CACNB2: variants seen among roughly 807,000 people sequenced by gnomAD.
CACNB2 encodes voltage-dependent L-type calcium channel subunit beta-2.
In CACNB2, 42 loss-of-function variants were observed where a neutral mutation model predicts 73.3. That is an observed-to-expected ratio of 0.57 (90% CI 0.45 to 0.74). The LOEUF is 0.74. Ranked by LOEUF, CACNB2 falls within the 30% of genes least tolerant of loss-of-function variation. The pLI is 0.00. For synonymous variants in CACNB2, 348 were observed against 310.3 expected (o/e 1.12, Z -1.28); for missense variants, 940 against 853.0 (o/e 1.10, Z -1.27).
intron 2 of CACNB2, among the ~76,000 whole-genome samples, chr10:18,384,158 G>C (rs1437251984): frequency 6.6e-6 from 1 of 152,184 alleles, no homozygotes; most frequent in Non-Finnish European, 1.5e-5. Context: ...GGTAGAGTCA[G>C]TACTGAGACT....
At chr10:18,411,859 C>T (rs2044649925) in intron 3 of CACNB2, among the ~76,000 whole-genome samples, 1 of 152,212 alleles carries the variant, frequency 6.6e-6, no homozygotes, top group African/African-American at 2.4e-5. Context: ...ACAATACATA[C>T]AGCACTGATG....
intron 3 of CACNB2, among the ~76,000 whole-genome samples, chr10:18,402,889 A>G (rs1299740673): frequency 3.3e-5 from 5 of 152,212 alleles, no homozygotes; most frequent in Admixed American, 2.0e-4. Context: ...TGATCATGCT[A>G]GAAATACCAG....
intron 2 of CACNB2, among the ~76,000 whole-genome samples, chr10:18,386,130 A>T (rs1363018783): frequency 1.3e-5 from 2 of 152,164 alleles, no homozygotes; most frequent in Non-Finnish European, 2.9e-5. Context: ...ATAAAAATTA[A>T]AACTAGTGTT....
chr10:18,366,882 T>TC (rs1249267528), intron 2 of CACNB2, among the ~76,000 whole-genome samples: 2 of 152,226 alleles, frequency 1.3e-5, no homozygotes, highest in Non-Finnish European at 2.9e-5. Flanking sequence ...TAGTCATTTT[T>TC]TGTCTTTTGG....
chr10:18,146,859 G>T (rs919263344), intron 1 of CACNB2, among the ~76,000 whole-genome samples: 2 of 152,166 alleles, frequency 1.3e-5, no homozygotes, highest in Admixed American at 6.5e-5. Context: ...CTGACCTCAG[G>T]TGGTCCACCC....
intron 2 of CACNB2, among the ~76,000 whole-genome samples, chr10:18,154,311 T>A (rs781359617): frequency 2.0e-5 from 3 of 151,680 alleles, no homozygotes; most frequent in Non-Finnish European, 4.4e-5. Context: ...AAAAAACAAC[T>A]TGGAGAATAT....
chr10:18,197,303 C>G (rs896644202), intron 2 of CACNB2, among the ~76,000 whole-genome samples: 7 of 152,188 alleles, frequency 4.6e-5, no homozygotes, highest in Admixed American at 3.9e-4. Flanking sequence ...ATAACCTACT[C>G]CAGACACTCA....
chr10:18,387,089 C>T (rs971235325), intron 2 of CACNB2, among the ~76,000 whole-genome samples: 1 of 152,220 alleles, frequency 6.6e-6, no homozygotes, highest in African/African-American at 2.4e-5. Flanking sequence ...TGAGTCGTCT[C>T]AGAGCCGTCA....
chr10:18,188,070 T>G (rs1588655008), intron 2 of CACNB2, among the ~76,000 whole-genome samples: 1 of 152,204 alleles, frequency 6.6e-6, no homozygotes, highest in African/African-American at 2.4e-5. Flanking sequence ...TTCTGTTAAT[T>G]GACATCAACA....
At chr10:18,437,545 G>A (rs1011589984) in intron 3 of CACNB2, among the ~76,000 whole-genome samples, 3 of 152,194 alleles carry the variant, frequency 2.0e-5, no homozygotes, top group Non-Finnish European at 2.9e-5. Context: ...TTGTTGCCAG[G>A]CTGGAAAATG....
At chr10:18,455,570 G>A (rs1294097093) in intron 3 of CACNB2, among the ~76,000 whole-genome samples, 1 of 152,238 alleles carries the variant, frequency 6.6e-6, no homozygotes, top group African/African-American at 2.4e-5. Flanking sequence ...TAAAGTTGGT[G>A]TAGAAAATGC....
At chr10:18,377,542 C>T (rs1373515501) in intron 2 of CACNB2, among the ~76,000 whole-genome samples, 1 of 152,192 alleles carries the variant, frequency 6.6e-6, no homozygotes. Context: ...TATTTAGGGA[C>T]ACTGAAATTT....
chr10:18,233,919 C>T (rs1478153366), intron 2 of CACNB2, among the ~76,000 whole-genome samples: 3 of 152,210 alleles, frequency 2.0e-5, no homozygotes, highest in African/African-American at 7.2e-5. Flanking sequence ...CAACTGAAAT[C>T]CCTCAAATCT....
At chr10:18,241,318 A>G (rs1482433604) in intron 2 of CACNB2, among the ~76,000 whole-genome samples, 1 of 152,234 alleles carries the variant, frequency 6.6e-6, no homozygotes, top group African/African-American at 2.4e-5. Flanking sequence ...AATAAAATGC[A>G]TTAAAGAGAC....
At chr10:18,516,278 A>G (rs1028432501) in intron 7 of CACNB2, among the ~76,000 whole-genome samples, 4 of 152,158 alleles carry the variant, frequency 2.6e-5, no homozygotes, top group African/African-American at 9.7e-5. Flanking sequence ...GATAAAAATG[A>G]TGGCGTCATT....
chr10:18,414,616 C>T (rs1259193239), intron 3 of CACNB2, among the ~76,000 whole-genome samples: 1 of 151,422 alleles, frequency 6.6e-6, no homozygotes, highest in Non-Finnish European at 1.5e-5. Flanking sequence ...TCCCAAGTTG[C>T]TAGGATTACA....
intron 3 of CACNB2, among the ~76,000 whole-genome samples, chr10:18,407,237 T>G (rs907222933): frequency 1.4e-5 from 2 of 144,310 alleles, no homozygotes; most frequent in Admixed American, 1.4e-4. Flanking sequence ...TTCTCACACC[T>G]CAGCCTTCTG....
At chr10:18,404,095 A>G (rs2044154739) in intron 3 of CACNB2, among the ~76,000 whole-genome samples, 1 of 152,188 alleles carries the variant, frequency 6.6e-6, no homozygotes, top group African/African-American at 2.4e-5. Flanking sequence ...TGTACCTCAT[A>G]AATATACACA....
At chr10:18,287,696 C>T (rs1384487145) in intron 2 of CACNB2, among the ~76,000 whole-genome samples, 4 of 152,022 alleles carry the variant, frequency 2.6e-5, no homozygotes, top group Non-Finnish European at 4.4e-5. Context: ...ACAAAAAATA[C>T]AAAAATCGGC....
Sources: gnomAD v4.1 joint callset for allele counts (sites outside exome capture counted in the v4.1 genomes callset) on GRCh38, gnomAD v4.1.1 for gene constraint, MANE v1.5 for transcripts, NCBI Gene and HGNC (gene_info 2026-07-23, HGNC 2026-07-21) for gene names.